ACOX1: variants seen among roughly 807,000 people sequenced by gnomAD.
ACOX1 encodes the protein peroxisomal acyl-coenzyme A oxidase 1.
In ACOX1, 41 loss-of-function variants were observed where a neutral mutation model predicts 75.5. The observed-to-expected ratio is 0.54, with a 90% CI of 0.42 to 0.70. The LOEUF is 0.70. Among genes scored for constraint, ACOX1 ranks in the 30% least tolerant of loss-of-function variants. The probability of loss-of-function intolerance (pLI) is 0.00; values close to 1 mark genes in which losing one functional copy is unlikely to be tolerated. For missense variants in ACOX1, 630 were observed against 837.5 expected (o/e 0.75, Z 3.06); for synonymous variants, 303 against 298.8 (o/e 1.01, Z -0.15).
At chr17:75,977,606 G>A (rs967367218) in intron 2 of ACOX1, among the ~76,000 whole-genome samples, 3 of 151,948 alleles carry the variant, frequency 2.0e-5, no homozygotes, top group Non-Finnish European at 4.4e-5. Context: ...CAAAACACAT[G>A]GTCTGAAAAA....
At position 75,946,636 on chromosome 17, in the gene ACOX1, G is replaced by T; in HGVS notation, c.*112C>A. 1 of 867,144 alleles carries T rather than the reference G, an allele frequency of 1.2e-6. No individual in the cohort carries two copies. Among genetic ancestry groups the T allele is most frequent in the East Asian group, 2.6e-5 (1 of 37,796 alleles). 53.7% of individuals were successfully genotyped at this position (867,144 alleles called of 1,614,324 possible). ...CATTTTTTCCCTCCATTTATAAAAA[G>T]GGGTCAATTTATCATTTGCTCTATA... On this transcript the variant is annotated 3_prime_UTR_variant, in exon 14 of 14. Coordinates refer to ENST00000293217, the MANE Select transcript of ACOX1 (RefSeq NM_004035.7).
Position 75,950,638 on chromosome 17 carries a change from G to T in ACOX1, c.1298+136C>A. On this transcript the variant is annotated intron_variant, in intron 9 of 13. Coordinates refer to ENST00000293217, the MANE Select transcript of ACOX1 (RefSeq NM_004035.7). This position sits in a 1 kb window ranked among gnomAD's most constrained non-coding sequence, Gnocchi z 4.3. ...ACCACGAAATAAAAACCGTGAGTCA[G>T]GATGGAAGGCAAAAGTATACCTTTC... 1 of 937,666 alleles carries T rather than the reference G, an allele frequency of 1.1e-6. No individual in the cohort carries two copies. The highest frequency in any genetic ancestry group is 1.6e-6 in the Non-Finnish European group (1 of 609,880). 58.1% of individuals were successfully genotyped at this position (937,666 alleles called of 1,614,324 possible). A position where few individuals can be genotyped will look rare whatever the true frequency, so the allele number is the denominator to read the frequency against.
In ACOX1 at chr17:75,978,637, G is replaced by T; in HGVS notation, c.166C>A (p.Arg56Ser). 8 of 1,614,182 alleles carry T rather than the reference G, an allele frequency of 5.0e-6. No homozygotes were observed. The highest frequency in any genetic ancestry group is 6.8e-6 in the Non-Finnish European group (8 of 1,180,048). Residue 56 changes from arginine to serine, a missense_variant, in exon 2 of 14, where the codon CGC becomes AGC. Around this residue, in one of 2 missense-constraint regions of ACOX1, gnomAD observed 390 missense variants for 574.9 expected, o/e 0.68. Coordinates refer to ENST00000293217, the MANE Select transcript of ACOX1 (RefSeq NM_004035.7). The surrounding 1 kb of genome is among the most constrained non-coding windows in gnomAD (Gnocchi z 4.2). ...ACAGCCACCTCATAACGCTGGCTGC[G>T]AGTGAGGAAGTTCAAGTCCTCATGC... ...FQHEDLNFLT[R>S]SQRYEVAVRK...
At chr17:75,970,124 T>C (rs1214573408) in intron 2 of ACOX1, among the ~76,000 whole-genome samples, 2 of 137,288 alleles carry the variant, frequency 1.5e-5, no homozygotes, top group Non-Finnish European at 3.1e-5. Context: ...GAGGTGGAGG[T>C]TGCAGTGAGC....
intron 2 of ACOX1, among the ~76,000 whole-genome samples, chr17:75,975,740 G>A (rs12604085): frequency 0.02 from 3,093 of 151,976 alleles, 75 homozygotes; most frequent in East Asian, 0.13. Flanking sequence ...CCAGGAGTTC[G>A]AGACCAGCCT....
intron 2 of ACOX1, among the ~76,000 whole-genome samples, chr17:75,968,562 T>G (rs1310381613): frequency 8.0e-6 from 1 of 125,786 alleles, no homozygotes; most frequent in Non-Finnish European, 1.6e-5. Context: ...GCGGAGATCA[T>G]GCCACTGCAC....
Position 75,973,409 on chromosome 17 carries a change from G to A in ACOX1, c.269+5125C>T, listed in dbSNP as rs1229691318. 5.0e-6 allele frequency: 3 copies of A among 595,562 alleles called. No homozygotes were observed. The African/African-American group carries it at 5.6e-5, about 11-fold the overall frequency. The allele number at this position is 595,562 out of a possible 1,614,324, so 36.9% of individuals were successfully genotyped here. ...CTTTTCAAGCTGTTCAATAATAAAA[G>A]GCTTTAGGAAATAACAGTGAATGAC... On this transcript the variant is annotated intron_variant, in intron 2 of 13. Coordinates refer to ENST00000293217, the MANE Select transcript of ACOX1 (RefSeq NM_004035.7).
At position 75,949,400 on chromosome 17, in the gene ACOX1, G is replaced by T. The variant is rs373972462; in HGVS notation, c.1585-40C>A. On this transcript the variant is annotated intron_variant, in intron 11 of 13. Transcript: ENST00000293217. ...AAAACACCAGAGTTTGAGAACCTTG[G>T]AAAAAGATTCAATATACAGTGACTA... is the stretch of plus-strand genomic sequence containing the variant. 4.3e-6 allele frequency: 7 copies of T among 1,613,602 alleles called. No individual in the cohort carries two copies. The African/African-American group carries it at 8.0e-5, about 18-fold the overall frequency.
At position 75,944,230 on chromosome 17, in the gene ACOX1, T is replaced by C. The variant is rs1293920409; in HGVS notation, c.*2518A>G. ...GTCTGGGTGACAGTGATACCCTGTC[T>C]CAAAAAGATAAAAATAAAATTCCTA... On this transcript the variant is annotated 3_prime_UTR_variant, in exon 14 of 14. Coordinates refer to ENST00000293217, the MANE Select transcript of ACOX1 (RefSeq NM_004035.7). 2 of 152,178 alleles carry C rather than the reference T, an allele frequency of 1.3e-5. No individual in the cohort carries two copies. The highest frequency in any genetic ancestry group is 2.4e-5 in the African/African-American group (1 of 41,426). The allele number at this position is 152,178 out of a possible 1,614,324, so 9.4% of individuals were successfully genotyped here.
intron 2 of ACOX1, among the ~76,000 whole-genome samples, chr17:75,965,337 C>CAAAAAAAAAAAAAAAAAAAAA (rs11293371): frequency 4.5e-4 from 37 of 81,692 alleles, no homozygotes; most frequent in Non-Finnish European, 7.8e-4. Context: ...GACTCTGTCT[C>CAAAAAAAAAAAAAAAAAAAAA]AAAAAAAAAA....
rs544337292 is a variant in ACOX1, at chr17:75,950,252, CTT to C, written c.1299-357_1299-356del. The stretch of plus-strand genomic sequence containing the variant: ...ACAGGAGTAAGCCACCACACCTGGC[CTT>C]TTTTTTTTTGATGGAGTTTTCGCTC... On this transcript the variant is annotated intron_variant, in intron 9 of 13. Coordinates refer to ENST00000293217, the MANE Select transcript of ACOX1 (RefSeq NM_004035.7). This position sits in a 1 kb window ranked among gnomAD's most constrained non-coding sequence, Gnocchi z 4.3. 7.0e-6 allele frequency among the ~76,000 whole-genome samples: 1 copy of C among 142,484 alleles called. No homozygotes were observed. The highest frequency in any genetic ancestry group is 2.6e-5 in the African/African-American group (1 of 39,058). The allele number at this position is 142,484 out of a possible 152,430, so 93.5% of individuals were successfully genotyped here. A position where few individuals can be genotyped will look rare whatever the true frequency, so the allele number is the denominator to read the frequency against.
chr17:75,957,432 C>T (rs1231453622), intron 4 of ACOX1, 27 bp downstream of exon 4: 10 of 1,565,236 alleles, frequency 6.4e-6, no homozygotes, highest in Non-Finnish European at 8.8e-6. Context: ...TTCAAAACAT[C>T]CAATAAATGC....
chr17:75,972,987 G>A (rs1367339780), intron 2 of ACOX1, among the ~76,000 whole-genome samples: 2 of 152,152 alleles, frequency 1.3e-5, no homozygotes, highest in African/African-American at 4.8e-5. Flanking sequence ...CAATGGCCTT[G>A]TCTATGAAAA....
intron 3 of ACOX1, among the ~76,000 whole-genome samples, chr17:75,958,251 G>T (rs1598183888): frequency 6.7e-6 from 1 of 150,268 alleles, no homozygotes; most frequent in Non-Finnish European, 1.5e-5. Context: ...TACTAAGGAG[G>T]CTGAGGCAGG....
chr17:75,974,146 GT>G lies in ACOX1; in HGVS notation c.269+4387del, dbSNP rs56119306. On this transcript the variant is annotated intron_variant, in intron 2 of 13. Coordinates refer to ENST00000293217, the MANE Select transcript of ACOX1 (RefSeq NM_004035.7). ...GGTTGAATTTTTTAGAATGTGTGTGGTTTTTTTTTTTTGCTTTATTTAGGTT... is the reference window on the plus strand; with the variant it reads ...GGTTGAATTTTTTAGAATGTGTGTGGTTTTTTTTTTTGCTTTATTTAGGTT... Among the ~76,000 whole-genome samples, 914 of 141,980 alleles carry G rather than the reference GT, an allele frequency of 6.4e-3. 6 individuals are homozygous for G. Among genetic ancestry groups the G allele is most frequent in the South Asian group, 0.025 (111 of 4,512 alleles). 93.1% of individuals were successfully genotyped at this position (141,980 alleles called of 152,430 possible).
chr17:75,970,005 T>G (rs1444293686), intron 2 of ACOX1, among the ~76,000 whole-genome samples: 1 of 151,464 alleles, frequency 6.6e-6, no homozygotes, highest in Non-Finnish European at 1.5e-5. Flanking sequence ...GCCAACATGG[T>G]GAAACCCTGT....
At position 75,943,653 on chromosome 17, in the gene ACOX1, G is replaced by A. The variant is rs2065694471; in HGVS notation, c.*3095C>T. The A allele has an allele frequency of 6.6e-6, 1 of 152,252 alleles. No homozygotes were observed. The highest frequency in any genetic ancestry group is 2.1e-4 in the South Asian group (1 of 4,834). 9.4% of individuals were successfully genotyped at this position (152,252 alleles called of 1,614,324 possible). ...AAAGCATATGAACACGGTGAATGTT[G>A]TAATGTTCTGAAGATAAGCTGATAC... On this transcript the variant is annotated 3_prime_UTR_variant, in exon 14 of 14. Transcript: ENST00000293217.
At chr17:75,977,000 T>TTC (rs961497363) in intron 2 of ACOX1, among the ~76,000 whole-genome samples, 4 of 143,436 alleles carry the variant, frequency 2.8e-5, no homozygotes, top group African/African-American at 1.0e-4. Flanking sequence ...TCTTTTTTTT[T>TTC]TTTTTTTTTT....
chr17:75,949,066 G>A (rs2065749027), intron 12 of ACOX1, 151 bp downstream of exon 12: 1 of 834,892 alleles, frequency 1.2e-6, no homozygotes, highest in Non-Finnish European at 1.9e-6. Context: ...CACCAGGCCA[G>A]GCTGGTCTTG....
Sources: gnomAD v4.1 joint callset for allele counts (sites outside exome capture counted in the v4.1 genomes callset) on GRCh38, gnomAD v4.1.1 for gene constraint, gnomAD v4.1.1 regional missense constraint, Gnocchi (gnomAD v3.1) non-coding constraint, MANE v1.5 for transcripts, NCBI Gene and HGNC (gene_info 2026-07-23, HGNC 2026-07-21) for gene names.